The following STXBP5 variants were observed in gnomAD, a reference collection of about 807,000 sequenced individuals.
The protein encoded by STXBP5 is syntaxin binding protein 5, also known as syntaxin-binding protein 5.
In STXBP5, 50 loss-of-function variants were observed where a neutral mutation model predicts 152.4. The ratio of observed to expected loss-of-function variants is 0.33; its 90% CI spans 0.26 to 0.42. The LOEUF (loss-of-function observed/expected upper bound fraction) is 0.42. Among genes scored for constraint, STXBP5 ranks in the 10% least tolerant of loss-of-function variants. The pLI is 1.00. For synonymous variants in STXBP5, 492 were observed against 494.7 expected, an observed-to-expected ratio of 0.99 and a Z score of 0.07; for missense variants, 1,167 against 1,388.6, an observed-to-expected ratio of 0.84 and a Z score of 2.54.
At chr6:147,268,446 A>G (rs1343601845) in intron 7 of STXBP5, among the ~76,000 whole-genome samples, 2 of 152,192 alleles carry the variant, frequency 1.3e-5, no homozygotes, top group Non-Finnish European at 2.9e-5. Flanking sequence ...CTGAGACATC[A>G]GAACCTATTG....
rs1782097960 is a variant in STXBP5, at chr6:147,306,466, G to A, written c.918-3618G>A. Among the ~76,000 whole-genome samples, 3 of 152,186 alleles carry A rather than the reference G, an allele frequency of 2.0e-5. No individual in the cohort carries two copies. The South Asian group carries it at 6.2e-4, about 32-fold the overall frequency. On this transcript the variant is annotated intron_variant, in intron 9 of 27. Coordinates refer to ENST00000321680, the MANE Select transcript of STXBP5 (RefSeq NM_001127715.4). ...AACAGGAACTGACTAAACAGAAAAC[G>A]AGGAAAAGTACATCTGTCAATGAAC...
intron 2 of STXBP5, among the ~76,000 whole-genome samples, chr6:147,231,352 C>G (rs1211932339): frequency 6.6e-6 from 1 of 151,800 alleles, no homozygotes; most frequent in Non-Finnish European, 1.5e-5. Context: ...TGGTGCTTGT[C>G]TGGACATGGA....
intron 3 of STXBP5, among the ~76,000 whole-genome samples, chr6:147,238,528 A>G (rs983274252): frequency 1.3e-5 from 2 of 152,176 alleles, no homozygotes; most frequent in African/African-American, 4.8e-5. Flanking sequence ...CACTCTGGAA[A>G]TTCTGATTTG....
chr6:147,233,860 A>T (rs1778135884), intron 2 of STXBP5, among the ~76,000 whole-genome samples: 1 of 149,168 alleles, frequency 6.7e-6, no homozygotes, highest in African/African-American at 2.5e-5. Flanking sequence ...TACTATTATG[A>T]CTACTACTAC....
At chr6:147,296,742 A>C (rs929777345) in intron 9 of STXBP5, among the ~76,000 whole-genome samples, 1 of 151,768 alleles carries the variant, frequency 6.6e-6, no homozygotes, top group Non-Finnish European at 1.5e-5. Context: ...ACAAAATCAG[A>C]AAAAAAATAG....
intron 6 of STXBP5, among the ~76,000 whole-genome samples, chr6:147,262,951 TC>T (rs983610897): frequency 6.6e-6 from 1 of 152,046 alleles, no homozygotes; most frequent in Non-Finnish European, 1.5e-5. Flanking sequence ...AACCAGTCTT[TC>T]AGATAGTTCT....
In STXBP5 at chr6:147,363,324, C is replaced by T. The variant is rs751409295; in HGVS notation, c.2546-11C>T. ...AATATTTCAGTTATTTACTAGACTTCTATATTTTAGGTACTATATTGAGGT... is the reference window on the plus strand; with the variant it reads ...AATATTTCAGTTATTTACTAGACTTTTATATTTTAGGTACTATATTGAGGT... On this transcript the variant is annotated splice_polypyrimidine_tract_variant and intron_variant, in intron 23 of 27. Coordinates refer to ENST00000321680, the MANE Select transcript of STXBP5 (RefSeq NM_001127715.4). The T allele has an allele frequency of 2.6e-6, 4 of 1,548,962 alleles. No individual in the cohort carries two copies. The African/African-American group carries it at 4.2e-5, about 16-fold the overall frequency.
At chr6:147,236,012 A>G (rs919925668) in intron 3 of STXBP5, among the ~76,000 whole-genome samples, 2 of 152,208 alleles carry the variant, frequency 1.3e-5, no homozygotes, top group African/African-American at 4.8e-5. Flanking sequence ...ATATGAGGAT[A>G]GATTGTGGAC....
At chr6:147,312,405 T>G (rs528808701) in intron 11 of STXBP5, among the ~76,000 whole-genome samples, 18 of 152,348 alleles carry the variant, frequency 1.2e-4, no homozygotes, top group South Asian at 1.0e-3. Flanking sequence ...TGGTTTTTAA[T>G]TGAGTTTACT....
intron 21 of STXBP5, among the ~76,000 whole-genome samples, chr6:147,344,798 A>T (rs907256135): frequency 8.9e-5 from 9 of 100,728 alleles, no homozygotes; most frequent in African/African-American, 3.2e-4. Context: ...TTCATTCCGT[A>T]ACACTGTGTT....
At chr6:147,352,187 T>C (rs184215784) in intron 21 of STXBP5, among the ~76,000 whole-genome samples, 14 of 152,340 alleles carry the variant, frequency 9.2e-5, no homozygotes, top group African/African-American at 3.1e-4. Flanking sequence ...AATACCGTAG[T>C]TTTAGATTAT....
In STXBP5 at chr6:147,374,905, C is replaced by A. The variant is rs139152249; in HGVS notation, c.3193+1063C>A. On this transcript the variant is annotated intron_variant, in intron 26 of 27. Transcript: ENST00000321680. The stretch of plus-strand genomic sequence containing the variant: ...TGGGAATAAACTACCCACCTCCCCC[C>A]ACCACACACACTCACAACTTTCAGC... 8.2e-3 allele frequency among the ~76,000 whole-genome samples: 1,243 copies of A among 152,214 alleles called. 11 individuals are homozygous for A. Among genetic ancestry groups the A allele is most frequent in the African/African-American group, 0.026 (1,100 of 41,510 alleles).
At chr6:147,329,643 T>TTG (rs1783458178) in intron 18 of STXBP5, among the ~76,000 whole-genome samples, 1 of 145,462 alleles carries the variant, frequency 6.9e-6, no homozygotes, top group Non-Finnish European at 1.5e-5. Context: ...TTTTTTTTTT[T>TTG]GAGACGGAGT....
intron 2 of STXBP5, among the ~76,000 whole-genome samples, chr6:147,234,362 A>C (rs1778164443): frequency 6.6e-6 from 1 of 151,140 alleles, no homozygotes; most frequent in Non-Finnish European, 1.5e-5. Flanking sequence ...ACAAATGTAC[A>C]GTTTTTTTTT....
intron 17 of STXBP5, among the ~76,000 whole-genome samples, chr6:147,326,639 T>G (rs1783272470): frequency 6.6e-6 from 1 of 152,248 alleles, no homozygotes; most frequent in South Asian, 2.1e-4. Context: ...TTATAGTTCC[T>G]GACTCATAAT....
At chr6:147,324,410 C>T (rs530002080) in intron 16 of STXBP5, among the ~76,000 whole-genome samples, 11 of 151,172 alleles carry the variant, frequency 7.3e-5, no homozygotes, top group African/African-American at 9.7e-5. Context: ...GTAGCTGGGA[C>T]TACAGGCACA....
rs1009990500 is a variant in STXBP5 at position 147,314,284 on chromosome 6, T to C, written c.1314T>C (p.Gly438=). ...TATAGGAATGGCCCATCAACGGAGG[T>C]AATTGGGGCTTGGGTGCTCAAAGTT... ...YSKKEWPING[G]NWGLGAQSYP... Residue 438 remains glycine, a synonymous_variant, in exon 13 of 28, where the codon GGT becomes GGC. Coordinates refer to ENST00000321680, the MANE Select transcript of STXBP5 (RefSeq NM_001127715.4). The C allele has an allele frequency of 2.5e-6, 4 of 1,612,190 alleles. No individual in the cohort carries two copies. The highest frequency in any genetic ancestry group is 1.1e-5 in the South Asian group (1 of 91,066).
intron 25 of STXBP5, among the ~76,000 whole-genome samples, chr6:147,371,951 A>G (rs1278148375): frequency 5.3e-5 from 8 of 152,176 alleles, no homozygotes; most frequent in Admixed American, 3.9e-4. Context: ...GGATCTGTGA[A>G]ATACTGTTTT....
chr6:147,304,124 C>T (rs1171330760), intron 9 of STXBP5, among the ~76,000 whole-genome samples: 4 of 152,156 alleles, frequency 2.6e-5, no homozygotes, highest in Non-Finnish European at 5.9e-5. Flanking sequence ...GGGTAAATGC[C>T]TCCAGGGCAT....
Sources: gnomAD v4.1 joint callset for allele counts (sites outside exome capture counted in the v4.1 genomes callset) on GRCh38, gnomAD v4.1.1 for gene constraint, MANE v1.5 for transcripts, NCBI Gene and HGNC (gene_info 2026-07-23, HGNC 2026-07-21) for gene names.